Variants in NTNG1 observed in about 807,000 individuals in gnomAD.
The protein encoded by NTNG1 is netrin-G1.
Under a neutral mutation model 54.0 loss-of-function variants are expected in NTNG1, and 16 were observed. The observed-to-expected ratio is 0.30, with a 90% CI of 0.20 to 0.45. The LOEUF (loss-of-function observed/expected upper bound fraction) is 0.45, where lower values mean the gene tolerates loss of function less well. Among genes scored for constraint, NTNG1 ranks in the 20% least tolerant of loss-of-function variants. The pLI is 1.00. For synonymous variants in NTNG1, 255 were observed against 263.1 expected, an observed-to-expected ratio of 0.97 and a Z score of 0.30; for missense variants, 530 against 678.7, an observed-to-expected ratio of 0.78 and a Z score of 2.43.
intron 1 of NTNG1, among the ~76,000 whole-genome samples, chr1:107,144,843 A>C (rs1230600196): frequency 6.6e-6 from 1 of 152,008 alleles, no homozygotes. Context: ...ATTTTTATCA[A>C]AGGAGACTTC....
chr1:107,464,210 T>A (rs981732084), intron 7 of NTNG1, among the ~76,000 whole-genome samples: 3 of 152,366 alleles, frequency 2.0e-5, no homozygotes, highest in Middle Eastern at 3.4e-3. Context: ...TGCTTTGCTT[T>A]GTCTTGTTAA....
intron 2 of NTNG1, among the ~76,000 whole-genome samples, chr1:107,191,855 G>A (rs1218983136): frequency 6.6e-6 from 1 of 152,066 alleles, no homozygotes; most frequent in African/African-American, 2.4e-5. Flanking sequence ...TTGAAGTCAG[G>A]TAGCATGATG....
At chr1:107,344,681 T>C (rs1333876704) in intron 3 of NTNG1, among the ~76,000 whole-genome samples, 2 of 152,176 alleles carry the variant, frequency 1.3e-5, no homozygotes, top group Non-Finnish European at 2.9e-5. Flanking sequence ...CCCAAAGATA[T>C]CTCTGAGATA....
At chr1:107,348,407 T>C (rs1669394580) in intron 3 of NTNG1, among the ~76,000 whole-genome samples, 1 of 152,218 alleles carries the variant, frequency 6.6e-6, no homozygotes, top group Non-Finnish European at 1.5e-5. Context: ...ATTACAGGCT[T>C]GAGCCACTGT....
At chr1:107,385,465 C>T (rs532128275) in intron 3 of NTNG1, among the ~76,000 whole-genome samples, 9 of 152,166 alleles carry the variant, frequency 5.9e-5, no homozygotes, top group Admixed American at 2.6e-4. Context: ...GTTTCACAGA[C>T]GCCATGCCTG....
At chr1:107,359,508 T>C (rs982634047) in intron 3 of NTNG1, among the ~76,000 whole-genome samples, 1 of 152,130 alleles carries the variant, frequency 6.6e-6, no homozygotes, top group African/African-American at 2.4e-5. Context: ...TTCATACCTA[T>C]AGGATGATCA....
intron 2 of NTNG1, among the ~76,000 whole-genome samples, chr1:107,196,610 A>G (rs1186938448): frequency 6.6e-6 from 1 of 151,930 alleles, no homozygotes; most frequent in African/African-American, 2.4e-5. Flanking sequence ...CTCTGCTTCA[A>G]CTTCCTGTGA....
intron 7 of NTNG1, among the ~76,000 whole-genome samples, chr1:107,458,284 A>G (rs1677073505): frequency 6.6e-6 from 1 of 152,140 alleles, no homozygotes; most frequent in Non-Finnish European, 1.5e-5. Flanking sequence ...ACTCTATATC[A>G]TTTTAAATTT....
rs1171454287 is a variant in NTNG1 at position 107,395,223 on chromosome 1, C to T, written c.957C>T (p.His319=). The T allele has an allele frequency of 2.5e-6, 4 of 1,613,460 alleles. No individual in the cohort carries two copies. Among genetic ancestry groups the T allele is most frequent in the Non-Finnish European group, 3.4e-6 (4 of 1,179,546 alleles). ...DNSKLTCECE[H]NTTGPDCGKC... The stretch of plus-strand genomic sequence containing the variant: ...GCAAATTGACATGCGAATGTGAGCA[C>T]AACACTACAGGTCCAGACTGTGGGA... The change falls in exon 4 of 8, where the codon CAC becomes CAT. Residue 319 remains histidine (H), a synonymous_variant. Coordinates refer to ENST00000370068, the MANE Select transcript of NTNG1 (RefSeq NM_001113226.3).
At chr1:107,234,034 G>A (rs898034201) in intron 2 of NTNG1, among the ~76,000 whole-genome samples, 3 of 152,052 alleles carry the variant, frequency 2.0e-5, no homozygotes, top group Non-Finnish European at 2.9e-5. Context: ...TTTAGTTATC[G>A]ATTTTTACCT....
Position 107,205,533 on chromosome 1 carries a change from A to G in NTNG1, c.246+56694A>G, listed in dbSNP as rs1196626860. ...TTAAAAGTTTGGACCAGGATGCAGA[A>G]CCTCCAAGTGTGAAATCACAATTCC... On this transcript the variant is annotated intron_variant, in intron 2 of 7. Coordinates refer to ENST00000370068, the MANE Select transcript of NTNG1 (RefSeq NM_001113226.3). Among the ~76,000 whole-genome samples, 5 of 151,944 alleles carry G rather than the reference A, an allele frequency of 3.3e-5. No homozygotes were observed. The East Asian group carries it at 7.7e-4, about 23-fold the overall frequency.
chr1:107,363,123 C>T (rs917076405), intron 3 of NTNG1, among the ~76,000 whole-genome samples: 2 of 152,126 alleles, frequency 1.3e-5, no homozygotes, highest in Non-Finnish European at 2.9e-5. Flanking sequence ...AGGTTTTTTC[C>T]TTGTGTTGTA....
chr1:107,352,255 C>G (rs944763520), intron 3 of NTNG1, among the ~76,000 whole-genome samples: 3 of 152,222 alleles, frequency 2.0e-5, no homozygotes, highest in African/African-American at 7.2e-5. Context: ...GGCTCCAGCC[C>G]CACATTTCCC....
chr1:107,407,941 C>G (rs942878848), intron 5 of NTNG1: 1 of 710,252 alleles, frequency 1.4e-6, no homozygotes, highest in African/African-American at 1.7e-5. Flanking sequence ...TTTCTGACTA[C>G]TCTTAACCAG....
intron 2 of NTNG1, among the ~76,000 whole-genome samples, chr1:107,314,086 G>A (rs986621896): frequency 3.9e-5 from 6 of 151,978 alleles, no homozygotes; most frequent in African/African-American, 1.2e-4. Flanking sequence ...AGGTGACCTC[G>A]AATCCTCCCA....
chr1:107,246,467 A>G (rs754142794), intron 2 of NTNG1, among the ~76,000 whole-genome samples: 1 of 151,982 alleles, frequency 6.6e-6, no homozygotes, highest in Non-Finnish European at 1.5e-5. Flanking sequence ...CTGTTTTTAA[A>G]TGATACTATT....
intron 5 of NTNG1, among the ~76,000 whole-genome samples, chr1:107,416,366 C>T (rs1236149772): frequency 6.6e-6 from 1 of 151,836 alleles, no homozygotes; most frequent in Non-Finnish European, 1.5e-5. Context: ...TTCCCCCACC[C>T]AAGAAAATAT....
chr1:107,437,951 A>G lies in NTNG1; in HGVS notation c.1390+1152A>G, dbSNP rs1179387377. Among the ~76,000 whole-genome samples the G allele has an allele frequency of 2.0e-5, 3 of 152,186 alleles. No homozygotes were observed. The East Asian group carries it at 5.8e-4, about 29-fold the overall frequency. On this transcript the variant is annotated intron_variant, in intron 7 of 7. Transcript: ENST00000370068. ...CTTTTCACTTGAAACAAATGTCAGC[A>G]TGCAGGAAACATCTAAAGCCAATTT...
At chr1:107,229,435 G>T (rs970613939) in intron 2 of NTNG1, among the ~76,000 whole-genome samples, 10 of 151,260 alleles carry the variant, frequency 6.6e-5, no homozygotes, top group Non-Finnish European at 1.3e-4. Flanking sequence ...TTCCTTTGCT[G>T]CCCTCTCAGG....
Sources: allele counts gnomAD v4.1 joint callset (sites outside exome capture counted in the v4.1 genomes callset), GRCh38; gene constraint gnomAD v4.1.1; transcripts MANE v1.5; gene names NCBI Gene and HGNC (gene_info 2026-07-23, HGNC 2026-07-21).